Variants in ZNF420 observed in about 807,000 individuals in gnomAD.
ZNF420 encodes ATM and p53-associated KZNF protein.
ZNF420 carries 31 observed loss-of-function variants against 44.7 expected under a neutral mutation model. That is an observed-to-expected ratio of 0.69 (90% CI 0.52 to 0.94). The LOEUF is 0.94. Among genes scored for constraint, ZNF420 ranks in the 40% least tolerant of loss-of-function variants. ZNF420 has a pLI of 0.00. For synonymous variants in ZNF420, 245 were observed against 267.4 expected, an observed-to-expected ratio of 0.92 and a Z score of 0.82; for missense variants, 681 against 827.9, an observed-to-expected ratio of 0.82 and a Z score of 2.18.
chr19:37,056,254 A>C (rs1807499913), intron 1 of ZNF420, among the ~76,000 whole-genome samples: 1 of 152,116 alleles, frequency 6.6e-6, no homozygotes, highest in Non-Finnish European at 1.5e-5. Flanking sequence ...GCATCCCAAA[A>C]TGTGGCTTGG....
intron 1 of ZNF420, among the ~76,000 whole-genome samples, chr19:37,064,384 A>C (rs1262793397): frequency 6.6e-6 from 1 of 152,118 alleles, no homozygotes; most frequent in Non-Finnish European, 1.5e-5. Flanking sequence ...AGTTTGCTCC[A>C]GATTTGGCAA....
intron 1 of ZNF420, among the ~76,000 whole-genome samples, chr19:37,012,186 T>TG (rs1392782900): frequency 1.3e-5 from 2 of 152,146 alleles, no homozygotes; most frequent in African/African-American, 2.4e-5. Flanking sequence ...GGTCCAGCCC[T>TG]GGGGCGCCCG....
intron 1 of ZNF420, among the ~76,000 whole-genome samples, chr19:37,043,398 CA>C (rs1032384205): frequency 1.6e-4 from 24 of 152,346 alleles, no homozygotes; most frequent in African/African-American, 4.8e-4. Flanking sequence ...CCTTCAACAA[CA>C]AAGGCAAAAA....
chr19:37,058,324 T>A (rs557990753), intron 1 of ZNF420, among the ~76,000 whole-genome samples: 32 of 152,268 alleles, frequency 2.1e-4, no homozygotes, highest in Non-Finnish European at 3.5e-4. Context: ...TTGCCTAGAA[T>A]GAGCGGTAGG....
intron 4 of ZNF420, among the ~76,000 whole-genome samples, chr19:37,122,543 A>G (rs1017020414): frequency 2.6e-5 from 4 of 152,110 alleles, no homozygotes; most frequent in East Asian, 1.9e-4. Flanking sequence ...CAGTACACCA[A>G]CATGGCACAT....
rs1967889650 is a variant in ZNF420, at chr19:37,062,155, TTG to T, written c.-124-18184_-124-18183del. Among the ~76,000 whole-genome samples the T allele has an allele frequency of 3.3e-5, 5 of 152,278 alleles. No individual in the cohort carries two copies. In the South Asian group the frequency reaches 1.0e-3, roughly 32 times the overall value. ...CTAACTGGACACATGGACAGAATAG[TTG>T]TGTGTTTGTTTTCTCCTCAGATGTG... is the stretch of plus-strand genomic sequence containing the variant. On this transcript the variant is annotated intron_variant, in intron 1 of 4. Coordinates refer to the ZNF420 transcript ENST00000587029.
At chr19:37,072,337 C>T (rs753182293) in intron 1 of ZNF420, among the ~76,000 whole-genome samples, 30 of 152,172 alleles carry the variant, frequency 2.0e-4, no homozygotes, top group Non-Finnish European at 4.0e-4. Flanking sequence ...AAGAAAGCTA[C>T]AATCAGAGTT....
upstream of ZNF420, among the ~76,000 whole-genome samples, chr19:37,074,404 G>T (rs1020006125): frequency 1.3e-5 from 2 of 152,116 alleles, no homozygotes; most frequent in African/African-American, 4.8e-5. Context: ...AATCCAGAAT[G>T]TTAGGCATTC....
chr19:37,121,012 G>A (rs1404523903), intron 4 of ZNF420, among the ~76,000 whole-genome samples: 2 of 151,810 alleles, frequency 1.3e-5, no homozygotes, highest in Non-Finnish European at 2.9e-5. Context: ...ATGCTCATGG[G>A]TTGGAAGAAT....
intron 2 of ZNF420, among the ~76,000 whole-genome samples, chr19:37,084,631 A>G (rs1267873025): frequency 6.6e-6 from 1 of 151,988 alleles, no homozygotes; most frequent in East Asian, 1.9e-4. Flanking sequence ...TATTGGTAGA[A>G]TTTACCAGTA....
chr19:37,109,759 ATTG>A (rs1159719570), intron 4 of ZNF420: 6 of 152,040 alleles, frequency 3.9e-5, no homozygotes, highest in African/African-American at 1.4e-4. Context: ...CCCATGTCTT[ATTG>A]TTGTTGTCTT....
intron 1 of ZNF420, among the ~76,000 whole-genome samples, chr19:37,023,868 G>T (rs1005070385): frequency 6.6e-6 from 1 of 151,938 alleles, no homozygotes; most frequent in Non-Finnish European, 1.5e-5. Context: ...TTTCTCAGTG[G>T]TATAAATACA....
chr19:37,126,462 G>C (rs1350338549), intron 4 of ZNF420, among the ~76,000 whole-genome samples: 1 of 152,118 alleles, frequency 6.6e-6, no homozygotes, highest in African/African-American at 2.4e-5. Flanking sequence ...ATAAGTCAAA[G>C]TCATTGAAGA....
At chr19:37,083,208 T>A (rs1246533870) in intron 2 of ZNF420, among the ~76,000 whole-genome samples, 1 of 151,934 alleles carries the variant, frequency 6.6e-6, no homozygotes, top group African/African-American at 2.4e-5. Context: ...TCATACATAG[T>A]GATGTGCACT....
chr19:37,032,544 G>A (rs933125393), intron 1 of ZNF420, among the ~76,000 whole-genome samples: 22 of 148,466 alleles, frequency 1.5e-4, no homozygotes, highest in Admixed American at 4.7e-4. Context: ...CGTGGCTAAC[G>A]CCAGTAATCC....
chr19:37,027,323 C>A (rs571109089), intron 1 of ZNF420, among the ~76,000 whole-genome samples: 2 of 152,260 alleles, frequency 1.3e-5, no homozygotes, highest in East Asian at 3.9e-4. Flanking sequence ...GAGCAGAAGG[C>A]AAATTGAGCT....
intron 4 of ZNF420, among the ~76,000 whole-genome samples, chr19:37,108,055 A>G (rs1411108551): frequency 6.6e-6 from 1 of 152,134 alleles, no homozygotes; most frequent in African/African-American, 2.4e-5. Context: ...CATCCAAATG[A>G]CAGTCTAAGA....
chr19:37,124,769 G>A (rs1338186434), intron 4 of ZNF420, among the ~76,000 whole-genome samples: 2 of 152,100 alleles, frequency 1.3e-5, no homozygotes, highest in Non-Finnish European at 2.9e-5. Context: ...CCTGGTTCAA[G>A]TGATTCTCCT....
In ZNF420 at chr19:37,128,943, C is replaced by G; in HGVS notation, c.1952C>G (p.Ala651Gly). The stretch of plus-strand genomic sequence containing the variant: ...TATCAATGTAAGGAATGTGGGAAGG[C>G]CTTTACTCGTGGTTCACAGCTAACT... ...KPYQCKECGKAFTRGSQLTQH... is the reference protein window; with the variant it reads ...KPYQCKECGKGFTRGSQLTQH... The change falls in exon 5 of 5, where the codon GCC (alanine) becomes GGC (glycine). Residue 651 changes from alanine to glycine, a missense_variant. Physicochemically the swap from Ala to Gly is moderately conservative, Grantham distance 60 (BLOSUM62 0). Transcript: ENST00000337995. The G allele has an allele frequency of 6.2e-7, 1 of 1,614,076 alleles. No homozygotes were observed. Among genetic ancestry groups the G allele is most frequent in the Non-Finnish European group, 8.5e-7 (1 of 1,179,988 alleles).
Sources: gnomAD v4.1 joint callset for allele counts (sites outside exome capture counted in the v4.1 genomes callset) on GRCh38, gnomAD v4.1.1 for gene constraint, MANE v1.5 for transcripts, NCBI Gene and HGNC (gene_info 2026-07-23, HGNC 2026-07-21) for gene names.